Variants in SLF2 observed in about 807,000 individuals in gnomAD.
The protein encoded by SLF2 is SMC5-SMC6 complex localization factor protein 2.
A neutral mutation model predicts 124.3 loss-of-function variants in SLF2; 68 were observed. The ratio of observed to expected loss-of-function variants is 0.55; its 90% CI spans 0.45 to 0.67. SLF2 has a LOEUF of 0.67. SLF2 is among the 30% of genes least tolerant of loss of function. The probability of loss-of-function intolerance (pLI) is 0.00; values close to 1 mark genes in which losing one functional copy is unlikely to be tolerated. For missense variants in SLF2, 1,246 were observed against 1,373.7 expected, an observed-to-expected ratio of 0.91 and a Z score of 1.47; for synonymous variants, 480 against 478.8, an observed-to-expected ratio of 1.00 and a Z score of -0.03.
chr10:100,952,114 C>T (rs1418644261), intron 17 of SLF2, among the ~76,000 whole-genome samples: 1 of 151,062 alleles, frequency 6.6e-6, no homozygotes, highest in Non-Finnish European at 1.5e-5. Flanking sequence ...CGTGTTGGTG[C>T]GTGCATGTAA....
At chr10:100,946,989 T>C (rs776770068) in intron 13 of SLF2, 50 bp from the exon 14 acceptor site, 2 of 1,432,190 alleles carry the variant, frequency 1.4e-6, no homozygotes, top group Admixed American at 3.4e-5. Context: ...TTGGGTGTTT[T>C]ATTCTACTGT....
intron 7 of SLF2, 77 bp from the exon 8 acceptor site, chr10:100,929,753 C>A (rs2133780115): frequency 1.7e-6 from 2 of 1,173,378 alleles, no homozygotes; most frequent in East Asian, 2.5e-5. Context: ...AAATGGTTTT[C>A]TTTGCACCCA....
Position 100,956,473 on chromosome 10 carries a change from G to C in SLF2, c.3353G>C (p.Gly1118Ala). The change falls in exon 18 of 20, where the codon GGG (glycine) becomes GCG (alanine). Residue 1118 changes from glycine to alanine, a missense_variant. Transcript: ENST00000238961. The part of the protein sequence containing the change: ...GQRKHFVLLC[G>A]ALEKHVKCDI... ...CAGAAACACTTTGTGCTACTCTGTG[G>C]GGCTTTGGAAAAGCATGTTAAATGT... 6.2e-7 allele frequency: 1 copy of C among 1,613,148 alleles called. No homozygotes were observed. The highest frequency in any genetic ancestry group is 1.1e-5 in the South Asian group (1 of 90,914).
intron 11 of SLF2, among the ~76,000 whole-genome samples, chr10:100,942,064 A>G (rs900304856): frequency 8.5e-5 from 13 of 152,156 alleles, no homozygotes; most frequent in African/African-American, 2.7e-4. Context: ...TACATTTACA[A>G]CACTTCTGGC....
intron 19 of SLF2, 145 bp downstream of exon 19, chr10:100,959,641 G>A (rs1004307061): frequency 7.7e-7 from 1 of 1,304,894 alleles, no homozygotes; most frequent in Admixed American, 3.5e-5. Flanking sequence ...ATAATACATG[G>A]TTTGTAATTT....
rs780024355 is a variant in SLF2, at chr10:100,947,130, G to A, written c.3026G>A (p.Arg1009His). 5.2e-6 allele frequency: 8 copies of A among 1,551,748 alleles called. No individual in the cohort carries two copies. The highest frequency in any genetic ancestry group is 6.9e-6 in the Non-Finnish European group (8 of 1,152,424). ...CAGCTGGTCCCTAATTGGACATCAC[G>A]TGGAAGGTATTAAAAAGTGAAAATT... is the stretch of plus-strand genomic sequence containing the variant. The part of the protein sequence containing the change: ...LVQLVPNWTS[R>H]GRQLRQCLSL... Residue 1009 changes from arginine to histidine, a missense_variant, in exon 14 of 20, where the codon CGT becomes CAT. By Grantham distance (29) the Arg-to-His change is conservative. Transcript: ENST00000238961.
intron 9 of SLF2, 33 bp from the exon 10 acceptor site, chr10:100,937,369 C>A: frequency 6.6e-7 from 1 of 1,525,940 alleles, no homozygotes; most frequent in South Asian, 1.1e-5. Flanking sequence ...TTTCTTTCTT[C>A]TTAATATCCT....
Position 100,964,565 on chromosome 10 carries a change from G to A in SLF2, c.*2653G>A, listed in dbSNP as rs1850477367. The A allele has an allele frequency of 6.6e-6, 1 of 152,574 alleles. No individual in the cohort carries two copies. Among genetic ancestry groups the A allele is most frequent in the South Asian group, 2.1e-4 (1 of 4,838 alleles). The allele number at this position is 152,574 out of a possible 1,614,324, so 9.5% of individuals were successfully genotyped here. ...GCCTTTGTCACCTTTTGGAAGGTTT[G>A]CATTTTGTTTCTGCTTTCAAGCGCA... On this transcript the variant is annotated 3_prime_UTR_variant, in exon 20 of 20. Transcript: ENST00000238961.
rs1589938039 is a variant in SLF2 at position 100,913,706 on chromosome 10, C to T, written c.140+456C>T. 3.0e-6 allele frequency: 3 copies of T among 995,138 alleles called. No individual in the cohort carries two copies. In the South Asian group the frequency reaches 1.4e-4, roughly 46 times the overall value. 61.6% of individuals were successfully genotyped at this position (995,138 alleles called of 1,614,324 possible). A position where few individuals can be genotyped will look rare whatever the true frequency, so the allele number is the denominator to read the frequency against. ...ACGAATTACTTTGTAGTCCAGCGTG[C>T]ACGCTAGTTCATACTTAAAAGAACT... On this transcript the variant is annotated intron_variant, in intron 1 of 19. Transcript: ENST00000238961.
chr10:100,925,076 T>C, intron 5 of SLF2, 104 bp downstream of exon 5: 2 of 1,161,006 alleles, frequency 1.7e-6, no homozygotes, highest in Non-Finnish European at 2.4e-6. Flanking sequence ...GTATTTATTA[T>C]AACTCATATT....
chr10:100,937,312 A>G, intron 9 of SLF2, 90 bp from the exon 10 acceptor site: 3 of 1,000,250 alleles, frequency 3.0e-6, no homozygotes, highest in East Asian at 2.4e-5. Context: ...CGCCTGGCCT[A>G]CATAAAACAA....
chr10:100,926,316 A>T (rs72842141), intron 6 of SLF2: 90,643 of 1,442,338 alleles, frequency 0.063, 3,236 homozygotes, highest in Non-Finnish European at 0.072. Context: ...CTCAAATGAA[A>T]AAAAGAGGCC....
chr10:100,938,712 C>G lies in SLF2; in HGVS notation c.2630C>G (p.Pro877Arg). ...TTGTTTCCCCTGGAGAATCTTCAGC[C>G]AGACTTTAATGAAGACTATCTAGTG... ...RSLFPLENLQ[P>R]DFNEDYLVSE... The change falls in exon 11 of 20, where the codon CCA becomes CGA. Residue 877 changes from proline (P) to arginine (R), a missense_variant. Physicochemically the swap from Pro to Arg is moderately radical, Grantham distance 103. Around this residue, in one of 3 missense-constraint regions of SLF2, gnomAD observed 535 missense variants for 632.8 expected, o/e 0.85. Transcript: ENST00000238961. 1 of 1,612,420 alleles carries G rather than the reference C, an allele frequency of 6.2e-7. No homozygotes were observed. Among genetic ancestry groups the G allele is most frequent in the Non-Finnish European group, 8.5e-7 (1 of 1,179,530 alleles).
At chr10:100,939,891 C>T (rs1430817857) in intron 11 of SLF2, among the ~76,000 whole-genome samples, 1 of 152,132 alleles carries the variant, frequency 6.6e-6, no homozygotes, top group Non-Finnish European at 1.5e-5. Context: ...TATAGGATCC[C>T]TGGTTACTCA....
At position 100,913,042 on chromosome 10, in the gene SLF2, A is replaced by G; in HGVS notation, c.-69A>G. On this transcript the variant is annotated 5_prime_UTR_variant, in exon 1 of 20. Transcript: ENST00000238961. ...TCCGACAGCCTCCCGGAGTCCCAGC[A>G]GCAAGACGGCAACCACGCACCCAAC... 6.4e-7 allele frequency: 1 copy of G among 1,560,462 alleles called. No homozygotes were observed. The highest frequency in any genetic ancestry group is 1.2e-5 in the South Asian group (1 of 86,110).
rs1849564153 is a variant in SLF2 at position 100,924,018 on chromosome 10, C to T, written c.1017C>T (p.Asn339=). The change falls in exon 5 of 20, where the codon AAC becomes AAT. Residue 339 remains asparagine, a synonymous_variant. Coordinates refer to ENST00000238961, the MANE Select transcript of SLF2 (RefSeq NM_018121.4). ...AATTCCCTGAAAAAAGAAAAAGGAA[C>T]TCTGTGGACTCAGATCTGAAAAGCA... The part of the protein sequence containing the change: ...QNKFPEKRKR[N]SVDSDLKSTR... 1 of 1,567,230 alleles carries T rather than the reference C, an allele frequency of 6.4e-7. No homozygotes were observed. Among genetic ancestry groups the T allele is most frequent in the Admixed American group, 2.1e-5 (1 of 47,352 alleles).
At position 100,924,343 on chromosome 10, in the gene SLF2, T is replaced by A. The variant is rs1288825862; in HGVS notation, c.1342T>A (p.Ser448Thr). The change falls in exon 5 of 20, where the codon TCT becomes ACT. Residue 448 changes from serine (S) to threonine (T), a missense_variant. Around this residue, in one of 3 missense-constraint regions of SLF2, gnomAD observed 698 missense variants for 708.9 expected, o/e 0.98. Coordinates refer to ENST00000238961, the MANE Select transcript of SLF2 (RefSeq NM_018121.4). The part of the protein sequence containing the change: ...KPHLPLSQEK[S>T]AIKKASNLQK... ...CCACTTACCTTTATCTCAGGAAAAG[T>A]CTGCAATTAAAAAAGCTAGCAACCT... is the stretch of plus-strand genomic sequence containing the variant. 2 of 1,613,814 alleles carry A rather than the reference T, an allele frequency of 1.2e-6. No homozygotes were observed. Among genetic ancestry groups the A allele is most frequent in the Non-Finnish European group, 1.7e-6 (2 of 1,179,950 alleles).
At chr10:100,957,269 TAGA>T (rs1205565839) in intron 18 of SLF2, among the ~76,000 whole-genome samples, 1 of 149,914 alleles carries the variant, frequency 6.7e-6, no homozygotes, top group Non-Finnish European at 1.5e-5. Context: ...AGAGTACAAA[TAGA>T]TTAGCTGTTA....
chr10:100,922,123 G>T (rs1020456650), intron 4 of SLF2, among the ~76,000 whole-genome samples: 2 of 152,092 alleles, frequency 1.3e-5, no homozygotes, highest in African/African-American at 4.8e-5. Flanking sequence ...TTACTCTGGT[G>T]CCCAGGCTGG....
Sources: allele counts gnomAD v4.1 joint callset (sites outside exome capture counted in the v4.1 genomes callset), GRCh38; gene constraint gnomAD v4.1.1; regional missense constraint gnomAD v4.1.1; transcripts MANE v1.5; gene names NCBI Gene and HGNC (gene_info 2026-07-23, HGNC 2026-07-21).